SLC16A7: variants seen among roughly 807,000 people sequenced by gnomAD.
SLC16A7 encodes the protein monocarboxylate transporter 2.
SLC16A7 carries 33 observed loss-of-function variants against 34.9 expected under a neutral mutation model. That is an observed-to-expected ratio of 0.94 (90% CI 0.72 to 1.26). The LOEUF is 1.26. SLC16A7 is among the 50% of genes most tolerant of loss of function. SLC16A7 has a pLI of 0.00. For missense variants in SLC16A7, 573 were observed against 578.1 expected, an observed-to-expected ratio of 0.99 and a Z score of 0.09; for synonymous variants, 201 against 206.6, an observed-to-expected ratio of 0.97 and a Z score of 0.23.
rs1430139094 is a variant in SLC16A7 at position 59,782,109 on chromosome 12, A to T, written c.*2430A>T. The T allele has an allele frequency of 6.6e-6, 1 of 152,192 alleles. No individual in the cohort carries two copies. Among genetic ancestry groups the T allele is most frequent in the Admixed American group, 6.6e-5 (1 of 15,260 alleles). 9.4% of individuals were successfully genotyped at this position (152,192 alleles called of 1,614,324 possible). ...TTAAATTGTTAGAAAAGAAAGTAAAACTTGCACATTCAAAGCACATGATTT... is the reference window on the plus strand; with the variant it reads ...TTAAATTGTTAGAAAAGAAAGTAAATCTTGCACATTCAAAGCACATGATTT... On this transcript the variant is annotated 3_prime_UTR_variant, in exon 6 of 6. Coordinates refer to ENST00000547379, the MANE Select transcript of SLC16A7 (RefSeq NM_001270623.2).
chr12:59,633,820 T>G (rs1880298893), intron 1 of SLC16A7, among the ~76,000 whole-genome samples: 1 of 151,866 alleles, frequency 6.6e-6, no homozygotes, highest in Non-Finnish European at 1.5e-5. Flanking sequence ...GAAAAGTCAC[T>G]TACTATCACG....
Position 59,596,729 on chromosome 12 carries a change from G to A in SLC16A7, c.-130+493G>A, listed in dbSNP as rs1210638547. Reference sequence around the variant, plus strand: ...CATTGCCGCAGAAGGTGGAGGCGGGGGTGGAGTGTGTGGAGAGAACGTCTT... The same window carrying A: ...CATTGCCGCAGAAGGTGGAGGCGGGAGTGGAGTGTGTGGAGAGAACGTCTT... On this transcript the variant is annotated intron_variant, in intron 1 of 5. Transcript: ENST00000547379. The surrounding 1 kb of genome is among the most constrained non-coding windows in gnomAD (Gnocchi z 5.0). 2.6e-5 allele frequency among the ~76,000 whole-genome samples: 4 copies of A among 152,102 alleles called. No individual in the cohort carries two copies. The East Asian group carries it at 7.7e-4, about 29-fold the overall frequency.
intron 3 of SLC16A7, among the ~76,000 whole-genome samples, chr12:59,744,572 G>C (rs917437828): frequency 6.6e-6 from 1 of 152,084 alleles, no homozygotes; most frequent in African/African-American, 2.4e-5. Flanking sequence ...CAAGAGCTCG[G>C]GTGCCACAGG....
At chr12:59,756,894 G>A (rs1325002287) in intron 3 of SLC16A7, among the ~76,000 whole-genome samples, 5 of 129,612 alleles carry the variant, frequency 3.9e-5, no homozygotes, top group Non-Finnish European at 1.6e-5. Flanking sequence ...CAGAAAATGT[G>A]GCACATATAC....
chr12:59,764,646 T>C (rs940124542), intron 3 of SLC16A7, among the ~76,000 whole-genome samples: 4 of 152,134 alleles, frequency 2.6e-5, no homozygotes, highest in African/African-American at 9.7e-5. Flanking sequence ...TCCATGTCCC[T>C]ACAAAAGACA....
At chr12:59,732,804 G>T (rs1343742696) in intron 3 of SLC16A7, among the ~76,000 whole-genome samples, 1 of 152,156 alleles carries the variant, frequency 6.6e-6, no homozygotes, top group Non-Finnish European at 1.5e-5. Context: ...ATAGCTAGAG[G>T]CCTCCTTATC....
chr12:59,724,820 T>G (rs749119100), intron 3 of SLC16A7, among the ~76,000 whole-genome samples: 9 of 152,112 alleles, frequency 5.9e-5, no homozygotes, highest in Admixed American at 6.6e-5. Context: ...AAAATTAGGA[T>G]GTATATGGAA....
chr12:59,707,654 AAT>A (rs1396934765), intron 3 of SLC16A7, among the ~76,000 whole-genome samples: 2 of 152,106 alleles, frequency 1.3e-5, no homozygotes, highest in Non-Finnish European at 1.5e-5. Context: ...AGATGAATAA[AAT>A]ATGTCTAAGT....
intron 2 of SLC16A7, among the ~76,000 whole-genome samples, chr12:59,703,144 A>T (rs1444164509): frequency 2.0e-5 from 3 of 152,114 alleles, no homozygotes; most frequent in African/African-American, 7.2e-5. Flanking sequence ...GCATTAATTC[A>T]ATAAGATAAG....
intron 3 of SLC16A7, among the ~76,000 whole-genome samples, chr12:59,720,527 C>A (rs1320127759): frequency 6.6e-6 from 1 of 151,948 alleles, no homozygotes; most frequent in African/African-American, 2.4e-5. Context: ...GATTTTTCTA[C>A]AATATAGGGG....
chr12:59,680,111 G>A (rs1304307286), intron 2 of SLC16A7, among the ~76,000 whole-genome samples: 1 of 152,124 alleles, frequency 6.6e-6, no homozygotes, highest in African/African-American at 2.4e-5. Flanking sequence ...AAGTTAGGGA[G>A]GCTATCCCAC....
At chr12:59,701,962 G>A (rs950904871) in intron 2 of SLC16A7, among the ~76,000 whole-genome samples, 17 of 151,856 alleles carry the variant, frequency 1.1e-4, no homozygotes, top group Admixed American at 8.5e-4. Flanking sequence ...ATGCAAGCAG[G>A]AAAACTGCAG....
intron 2 of SLC16A7, among the ~76,000 whole-genome samples, chr12:59,678,358 T>C (rs1220259730): frequency 6.6e-6 from 1 of 152,134 alleles, no homozygotes; most frequent in African/African-American, 2.4e-5. Flanking sequence ...AGGAGTTTTA[T>C]TGAGTGATAG....
chr12:59,638,888 A>C (rs2137003434), intron 1 of SLC16A7, among the ~76,000 whole-genome samples: 1 of 152,278 alleles, frequency 6.6e-6, no homozygotes, highest in East Asian at 1.9e-4. Flanking sequence ...TTAAGTTTTA[A>C]TTTAATAGCT....
At chr12:59,762,328 A>G (rs1881102567) in intron 3 of SLC16A7, among the ~76,000 whole-genome samples, 1 of 152,114 alleles carries the variant, frequency 6.6e-6, no homozygotes, top group Non-Finnish European at 1.5e-5. Context: ...TTCTAGCTTG[A>G]ATATCGAAAT....
At chr12:59,702,572 T>C (rs1430994084) in intron 2 of SLC16A7, among the ~76,000 whole-genome samples, 1 of 152,056 alleles carries the variant, frequency 6.6e-6, no homozygotes, top group East Asian at 1.9e-4. Flanking sequence ...AGGATCTACA[T>C]TATGTGCATT....
chr12:59,741,824 G>C (rs1255140131), intron 3 of SLC16A7, among the ~76,000 whole-genome samples: 1 of 152,178 alleles, frequency 6.6e-6, no homozygotes, highest in Non-Finnish European at 1.5e-5. Flanking sequence ...TGTTATGGTA[G>C]AAGTTATCTG....
intron 1 of SLC16A7, among the ~76,000 whole-genome samples, chr12:59,639,973 G>A (rs1199568777): frequency 6.6e-6 from 1 of 152,042 alleles, no homozygotes; most frequent in East Asian, 1.9e-4. Context: ...TCCTTACTCA[G>A]GTTCAATAAT....
At chr12:59,630,144 C>T (rs17122754) in intron 1 of SLC16A7, among the ~76,000 whole-genome samples, 2,678 of 151,936 alleles carry the variant, frequency 0.018, 43 homozygotes, top group Non-Finnish European at 0.028. Context: ...ACTGAAAATT[C>T]GGCAGAATGA....
Sources: allele counts gnomAD v4.1 joint callset (sites outside exome capture counted in the v4.1 genomes callset), GRCh38; gene constraint gnomAD v4.1.1; non-coding constraint Gnocchi (gnomAD v3.1); transcripts MANE v1.5; gene names NCBI Gene and HGNC (gene_info 2026-07-23, HGNC 2026-07-21).